Variants in ACSBG2 observed in about 807,000 individuals in gnomAD.
ACSBG2 encodes acyl-CoA synthetase bubblegum family member 2.
A neutral mutation model predicts 74.7 loss-of-function variants in ACSBG2; 62 were observed. That is an observed-to-expected ratio of 0.83 (90% CI 0.68 to 1.03). The LOEUF is 1.03. Ranked by LOEUF, ACSBG2 falls within the 50% of genes least tolerant of loss-of-function variation. The pLI, the probability that ACSBG2 is intolerant of heterozygous loss-of-function variation, is 0.00. For missense variants in ACSBG2, 730 were observed against 817.6 expected, an observed-to-expected ratio of 0.89 and a Z score of 1.31; for synonymous variants, 309 against 294.1, an observed-to-expected ratio of 1.05 and a Z score of -0.52.
rs537777082 is a variant in ACSBG2 at position 6,154,662 on chromosome 19, C to T, written c.387-1769C>T. On this transcript the variant is annotated intron_variant, in intron 4 of 14. Transcript: ENST00000588485. ...AAGTAGCTGGGACTACAGGCGTGCG[C>T]CACCATGGCTGGCTAAATTTTGTAT... Among the ~76,000 whole-genome samples, 3 of 151,784 alleles carry T rather than the reference C, an allele frequency of 2.0e-5. No homozygotes were observed. The South Asian group carries it at 6.3e-4, about 32-fold the overall frequency.
At chr19:6,156,344 C>G (rs1407822324) in intron 4 of ACSBG2, 87 bp from the exon 5 acceptor site, 1 of 1,440,448 alleles carries the variant, frequency 6.9e-7, no homozygotes, top group African/African-American at 1.5e-5. Context: ...AACTTGCCTG[C>G]AAACCTTTCC....
intron 6 of ACSBG2, among the ~76,000 whole-genome samples, chr19:6,165,135 T>G (rs775065660): frequency 2.6e-5 from 4 of 152,346 alleles, no homozygotes; most frequent in Non-Finnish European, 5.9e-5. Flanking sequence ...GGCGTGGATT[T>G]CAGGCATGGC....
rs553444547 is a variant in ACSBG2 at position 6,151,772 on chromosome 19, T to C, written c.363T>C (p.Thr121=). The C allele has an allele frequency of 3.1e-6, 5 of 1,598,724 alleles. No homozygotes were observed. In the South Asian group the frequency reaches 3.4e-5, roughly 11 times the overall value. ...TTAACTCTGCAGAGTGGTTTATCAC[T>C]GCTGTTGGTGCCATCCTAGCCGGGT... ...LGFNSAEWFI[T]AVGAILAGGL... is the part of the protein sequence containing the mutation. Residue 121 remains threonine, a synonymous_variant, in exon 4 of 15, where the codon ACT becomes ACC. Transcript: ENST00000588485.
intron 5 of ACSBG2, 39 bp downstream of exon 5, chr19:6,156,590 G>T: frequency 6.7e-7 from 1 of 1,500,476 alleles, no homozygotes; most frequent in Non-Finnish European, 8.9e-7. Context: ...AAGTCACCCA[G>T]GGGTACCTCA....
In ACSBG2 at chr19:6,190,301, AGAT is replaced by A. The variant is rs1319961625; in HGVS notation, c.1928-276_1928-274del. The stretch of plus-strand genomic sequence containing the variant: ...AAAATGGGGATAGGGGTATGGTTTG[AGAT>A]GATGATATCCCTCCTCCATTGGGTG... On this transcript the variant is annotated intron_variant, in intron 13 of 14. Coordinates refer to ENST00000588485, the MANE Select transcript of ACSBG2 (RefSeq NM_030924.5). The A allele has an allele frequency of 2.2e-5, 8 of 366,292 alleles. No individual in the cohort carries two copies. In the Admixed American group the frequency reaches 3.0e-4, roughly 14 times the overall value. The allele number at this position is 366,292 out of a possible 1,614,324, so 22.7% of individuals were successfully genotyped here.
At chr19:6,190,323 T>C (rs1379436655) in intron 13 of ACSBG2, 1 of 418,962 alleles carries the variant, frequency 2.4e-6, no homozygotes, top group East Asian at 4.6e-5. Context: ...CCCTCCTCCA[T>C]TGGGTGCACA....
In ACSBG2 at chr19:6,161,283, C is replaced by T. The variant is rs1568232915; in HGVS notation, c.576C>T (p.Asn192=). 13 of 1,612,636 alleles carry T rather than the reference C, an allele frequency of 8.1e-6. No homozygotes were observed. The highest frequency in any genetic ancestry group is 1.1e-5 in the Non-Finnish European group (13 of 1,179,012). Residue 192 remains asparagine, a synonymous_variant, in exon 6 of 15, where the codon AAC becomes AAT. Coordinates refer to ENST00000588485, the MANE Select transcript of ACSBG2 (RefSeq NM_030924.5). ...ACAGACTGCCAATGAAGAAGAACAA[C>T]AACTTGTACTCTGTAAGTGTGGGAG... The part of the protein sequence containing the change: ...IQYRLPMKKN[N]NLYSWDDFME...
At position 6,151,769 on chromosome 19, in the gene ACSBG2, C is replaced by T. The variant is rs1000512048; in HGVS notation, c.360C>T (p.Ile120=). 6.2e-7 allele frequency: 1 copy of T among 1,600,516 alleles called. No homozygotes were observed. Among genetic ancestry groups the T allele is most frequent in the Non-Finnish European group, 8.5e-7 (1 of 1,173,368 alleles). The change falls in exon 4 of 15, where the codon ATC becomes ATT. Residue 120 remains isoleucine, a synonymous_variant. Coordinates refer to ENST00000588485, the MANE Select transcript of ACSBG2 (RefSeq NM_030924.5). ...GGTTTAACTCTGCAGAGTGGTTTAT[C>T]ACTGCTGTTGGTGCCATCCTAGCCG... The part of the protein sequence containing the change: ...ILGFNSAEWF[I]TAVGAILAGG...
At chr19:6,147,758 C>T in intron 3 of ACSBG2, 83 bp downstream of exon 3, 1 of 1,438,366 alleles carries the variant, frequency 7.0e-7, no homozygotes, top group Non-Finnish European at 9.7e-7. Flanking sequence ...GTACAAAATT[C>T]ACAAGGCACC....
At chr19:6,176,261 C>T in intron 7 of ACSBG2, 1 of 1,334,736 alleles carries the variant, frequency 7.5e-7, no homozygotes, top group Non-Finnish European at 9.7e-7. Flanking sequence ...GCCCCAGGTC[C>T]TTACTCGATC....
chr19:6,185,739 AC>A, intron 11 of ACSBG2, 86 bp downstream of exon 11: 4 of 1,400,820 alleles, frequency 2.9e-6, no homozygotes, highest in Non-Finnish European at 4.0e-6. Flanking sequence ...CACGAAGGCC[AC>A]CCCCAGTTCC....
chr19:6,142,969 C>T (rs1449652400), intron 2 of ACSBG2, among the ~76,000 whole-genome samples: 1 of 152,056 alleles, frequency 6.6e-6, no homozygotes, highest in African/African-American at 2.4e-5. Context: ...TCTGTAGTTT[C>T]AGCACTTTGG....
At chr19:6,162,307 C>A (rs1374289499) in intron 6 of ACSBG2, among the ~76,000 whole-genome samples, 3 of 149,678 alleles carry the variant, frequency 2.0e-5, no homozygotes, top group Non-Finnish European at 4.4e-5. Context: ...TGGCTCACAC[C>A]TGTAATCCCA....
intron 11 of ACSBG2, 132 bp from the exon 12 acceptor site, chr19:6,187,151 C>T: frequency 8.2e-7 from 1 of 1,221,104 alleles, no homozygotes; most frequent in South Asian, 1.5e-5. Context: ...ATTACAGGTG[C>T]ACACCACCAA....
At chr19:6,187,252 T>C (rs2090433366) in intron 11 of ACSBG2, 31 bp from the exon 12 acceptor site, 2 of 1,613,520 alleles carry the variant, frequency 1.2e-6, no homozygotes, top group African/African-American at 2.7e-5. Context: ...TTGTCATGGC[T>C]GGACATGTAC....
intron 3 of ACSBG2, among the ~76,000 whole-genome samples, chr19:6,149,504 CTTT>C (rs556996493): frequency 0.58 from 74,125 of 127,312 alleles, 21,900 homozygotes; most frequent in Admixed American, 0.67. Context: ...ACATGTGCAA[CTTT>C]TTTTTTTTTT....
At chr19:6,139,509 C>T (rs965016852) in intron 1 of ACSBG2, among the ~76,000 whole-genome samples, 1 of 152,194 alleles carries the variant, frequency 6.6e-6, no homozygotes, top group Non-Finnish European at 1.5e-5. Context: ...AGAGGGTTTA[C>T]TCAAGTTTTC....
chr19:6,154,434 A>AGAGAGAGAGAGAGAG (rs1568226772), intron 4 of ACSBG2, among the ~76,000 whole-genome samples: 2 of 38,148 alleles, frequency 5.2e-5, no homozygotes, highest in African/African-American at 7.8e-5. Flanking sequence ...GAGAGAGAGA[A>AGAGAGAGAGAGAGAG]AATTATTATT....
chr19:6,161,865 T>G (rs1407745187), intron 6 of ACSBG2, among the ~76,000 whole-genome samples: 1 of 152,026 alleles, frequency 6.6e-6, no homozygotes, highest in Non-Finnish European at 1.5e-5. Context: ...CCACCAAAAC[T>G]GGTGGCTAAA....
Sources: allele counts gnomAD v4.1 joint callset (sites outside exome capture counted in the v4.1 genomes callset), GRCh38; gene constraint gnomAD v4.1.1; transcripts MANE v1.5; gene names NCBI Gene and HGNC (gene_info 2026-07-23, HGNC 2026-07-21).